Variants in BAIAP2L1 observed in about 807,000 individuals in gnomAD.
BAIAP2L1 encodes BAR/IMD domain containing adaptor protein 2 like 1, also known as BAR/IMD domain-containing adapter protein 2-like 1.
In BAIAP2L1, 35 loss-of-function variants were observed where a neutral mutation model predicts 66.3. The observed-to-expected ratio is 0.53, with a 90% confidence interval of 0.40 to 0.70. The LOEUF is 0.70. BAIAP2L1 is among the 30% of genes least tolerant of loss of function. The pLI, the probability that BAIAP2L1 is intolerant of heterozygous loss-of-function variation, is 0.00. For missense variants in BAIAP2L1, 622 were observed against 656.9 expected, an observed-to-expected ratio of 0.95 and a Z score of 0.58; for synonymous variants, 269 against 248.7, an observed-to-expected ratio of 1.08 and a Z score of -0.77.
At chr7:98,386,279 C>T in intron 1 of BAIAP2L1, 1 of 1,595,870 alleles carries the variant, frequency 6.3e-7, no homozygotes, top group Non-Finnish European at 8.5e-7. Flanking sequence ...CGGGTAAGAT[C>T]CATGCCATGG....
chr7:98,344,661 C>T (rs1473920485), intron 3 of BAIAP2L1, among the ~76,000 whole-genome samples: 2 of 151,964 alleles, frequency 1.3e-5, no homozygotes, highest in African/African-American at 4.8e-5. Context: ...GTAGGCTGGG[C>T]GTTGTGGCTC....
chr7:98,340,090 TG>T (rs1254425295), intron 3 of BAIAP2L1, among the ~76,000 whole-genome samples: 2 of 152,172 alleles, frequency 1.3e-5, no homozygotes, highest in Non-Finnish European at 2.9e-5. Flanking sequence ...CTGTGAAAAC[TG>T]GGTTTAAACA....
chr7:98,387,201 G>A (rs1802915962), intron 1 of BAIAP2L1, among the ~76,000 whole-genome samples: 2 of 152,182 alleles, frequency 1.3e-5, no homozygotes. Flanking sequence ...GCAGGTCCAG[G>A]CGGAGGAGAG....
At chr7:98,338,271 A>T (rs912136942) in intron 3 of BAIAP2L1, among the ~76,000 whole-genome samples, 2 of 152,066 alleles carry the variant, frequency 1.3e-5, no homozygotes, top group Non-Finnish European at 2.9e-5. Flanking sequence ...ATACAAAAAA[A>T]ATTAGCCGGG....
chr7:98,397,071 GA>G (rs1803227747), intron 1 of BAIAP2L1, among the ~76,000 whole-genome samples: 1 of 152,046 alleles, frequency 6.6e-6, no homozygotes, highest in Admixed American at 6.6e-5. Flanking sequence ...GGAAGAGAGG[GA>G]AAGAAACATA....
chr7:98,368,581 C>T (rs137959147), intron 1 of BAIAP2L1, among the ~76,000 whole-genome samples: 75 of 152,160 alleles, frequency 4.9e-4, no homozygotes, highest in African/African-American at 1.8e-3. Flanking sequence ...ATCCCAGCTA[C>T]TTGGGGGGCT....
At chr7:98,306,212 G>T (rs1421846443) in intron 11 of BAIAP2L1, among the ~76,000 whole-genome samples, 1 of 152,166 alleles carries the variant, frequency 6.6e-6, no homozygotes, top group Non-Finnish European at 1.5e-5. Flanking sequence ...AGGGCTGCAG[G>T]ACTGCGAGGA....
chr7:98,319,586 G>A (rs1437574161), intron 5 of BAIAP2L1, among the ~76,000 whole-genome samples: 3 of 140,188 alleles, frequency 2.1e-5, no homozygotes, highest in East Asian at 2.1e-4. Context: ...TTGCTCTGTC[G>A]CCCAGGCTGG....
chr7:98,319,961 T>C (rs374095373), intron 5 of BAIAP2L1, 97 bp downstream of exon 5: 1 of 959,568 alleles, frequency 1.0e-6, no homozygotes, highest in African/African-American at 1.6e-5. Context: ...GCTTCTCTCC[T>C]GTCTGCTGCT....
chr7:98,381,108 A>C (rs1336090450), intron 1 of BAIAP2L1, among the ~76,000 whole-genome samples: 1 of 152,002 alleles, frequency 6.6e-6, no homozygotes, highest in Non-Finnish European at 1.5e-5. Flanking sequence ...AATCAATTTG[A>C]CCCATTAGTA....
intron 3 of BAIAP2L1, among the ~76,000 whole-genome samples, chr7:98,348,569 C>CAAA (rs752966671): frequency 1.1e-4 from 12 of 109,830 alleles, no homozygotes; most frequent in Admixed American, 1.8e-4. Flanking sequence ...TCTGCCTCCA[C>CAAA]AAAAAAAAAA....
chr7:98,393,804 A>C (rs1803130782), intron 1 of BAIAP2L1, among the ~76,000 whole-genome samples: 1 of 144,792 alleles, frequency 6.9e-6, no homozygotes, highest in African/African-American at 2.5e-5. Context: ...TTTCTTGAAA[A>C]TGTACCTACT....
intron 1 of BAIAP2L1, 47 bp downstream of exon 1, chr7:98,400,755 C>G: frequency 1.3e-6 from 2 of 1,543,946 alleles, no homozygotes; most frequent in East Asian, 2.5e-5. Flanking sequence ...TTCTGAACCC[C>G]GAGGTGGAAA....
chr7:98,375,967 T>C (rs185156932), intron 1 of BAIAP2L1, among the ~76,000 whole-genome samples: 1 of 152,300 alleles, frequency 6.6e-6, no homozygotes, highest in Admixed American at 6.5e-5. Flanking sequence ...CACACGTATA[T>C]ATTTAGTCAA....
chr7:98,310,675 T>TTA, intron 8 of BAIAP2L1, 83 bp from the exon 9 acceptor site: 23 of 983,938 alleles, frequency 2.3e-5, no homozygotes, highest in Admixed American at 3.5e-5. Flanking sequence ...TTTTTTTTTT[T>TTA]AAATAATAGG....
At chr7:98,347,226 TA>T (rs1351887843) in intron 3 of BAIAP2L1, among the ~76,000 whole-genome samples, 20 of 152,312 alleles carry the variant, frequency 1.3e-4, no homozygotes, top group African/African-American at 4.3e-4. Flanking sequence ...TTTTTACAAA[TA>T]AAAACTCTAA....
intron 5 of BAIAP2L1, among the ~76,000 whole-genome samples, chr7:98,317,747 G>A (rs915239771): frequency 2.0e-4 from 24 of 122,358 alleles, no homozygotes; most frequent in East Asian, 1.5e-3. Context: ...GGCTGGGGAC[G>A]CTCACCACAC....
chr7:98,333,118 T>C (rs552612231), intron 3 of BAIAP2L1, among the ~76,000 whole-genome samples: 1 of 152,222 alleles, frequency 6.6e-6, no homozygotes, highest in East Asian at 1.9e-4. Context: ...CCACCCTACC[T>C]AAAACAGCTG....
intron 2 of BAIAP2L1, among the ~76,000 whole-genome samples, chr7:98,356,011 TCTA>T (rs1180998736): frequency 2.0e-5 from 3 of 152,350 alleles, no homozygotes; most frequent in East Asian, 3.9e-4. Context: ...AACTGAATGC[TCTA>T]CTTTTTCTTT....
Sources: allele counts gnomAD v4.1 joint callset (sites outside exome capture counted in the v4.1 genomes callset), GRCh38; gene constraint gnomAD v4.1.1; transcripts MANE v1.5; gene names NCBI Gene and HGNC (gene_info 2026-07-23, HGNC 2026-07-21).